STPG2: variants seen among roughly 807,000 people sequenced by gnomAD.
The protein encoded by STPG2 is sperm tail PG-rich repeat containing 2.
STPG2 carries 56 observed loss-of-function variants against 54.2 expected under a neutral mutation model. The observed-to-expected ratio is 1.03, with a 90% CI of 0.83 to 1.29. The LOEUF is 1.29. STPG2 is among the 50% of genes most tolerant of loss of function. The probability of loss-of-function intolerance (pLI) is 0.00; values close to 1 mark genes in which losing one functional copy is unlikely to be tolerated. For synonymous variants in STPG2, 200 were observed against 181.8 expected (o/e 1.10, Z -0.81); for missense variants, 596 against 544.9 (o/e 1.09, Z -0.93).
intron 8 of STPG2, among the ~76,000 whole-genome samples, chr4:97,900,609 C>T (rs1457333650): frequency 6.6e-6 from 1 of 152,040 alleles, no homozygotes; most frequent in Non-Finnish European, 1.5e-5. Flanking sequence ...AGAACAAGAT[C>T]ATGTCTTTTG....
At chr4:97,743,329 G>T (rs1725326074) in intron 9 of STPG2, among the ~76,000 whole-genome samples, 1 of 151,808 alleles carries the variant, frequency 6.6e-6, no homozygotes, top group East Asian at 1.9e-4. Context: ...GCAAAGGGAT[G>T]ATATATTACA....
At chr4:97,510,837 T>C (rs1730956440) in intron 4 of STPG2, among the ~76,000 whole-genome samples, 1 of 152,126 alleles carries the variant, frequency 6.6e-6, no homozygotes. Flanking sequence ...GCACAGTGGC[T>C]CACGCCGGTA....
At chr4:97,796,280 C>G (rs1013841066) in intron 9 of STPG2, among the ~76,000 whole-genome samples, 69 of 152,318 alleles carry the variant, frequency 4.5e-4, no homozygotes, top group Non-Finnish European at 7.5e-4. Context: ...TTGCCCATGC[C>G]TACGATCTAA....
chr4:97,899,157 T>C (rs1731072632), intron 8 of STPG2, among the ~76,000 whole-genome samples: 1 of 151,724 alleles, frequency 6.6e-6, no homozygotes, highest in Admixed American at 6.6e-5. Context: ...CAAAACTCAC[T>C]ACCTTACCTA....
At chr4:98,093,610 A>C (rs7663661) in intron 5 of STPG2, among the ~76,000 whole-genome samples, 1 of 151,948 alleles carries the variant, frequency 6.6e-6, no homozygotes, top group Admixed American at 6.6e-5. Context: ...ATCACAGTAC[A>C]TGGTTTTGAC....
chr4:97,552,331 TAAGTGCCAAAA>T lies in STPG2; in HGVS notation c.462+160357_462+160367del. On this transcript the variant is annotated intron_variant, in intron 4 of 4. Coordinates refer to the STPG2 transcript ENST00000522676. Reference sequence around the variant, plus strand: ...AAAACATAATAGTTCTTACATAGGATAAGTGCCAAAAAAGTGTTTATAAAATAAAAAATTAT... The same window carrying T: ...AAAACATAATAGTTCTTACATAGGATAAGTGTTTATAAAATAAAAAATTAT... Among the ~76,000 whole-genome samples, 2 of 152,172 alleles carry T rather than the reference TAAGTGCCAAAA, an allele frequency of 1.3e-5. 1 individual carries two copies. The highest frequency in any genetic ancestry group is 2.9e-5 in the Non-Finnish European group (2 of 67,964).
intron 7 of STPG2, among the ~76,000 whole-genome samples, chr4:97,969,053 T>C (rs570416554): frequency 6.6e-6 from 1 of 152,320 alleles, no homozygotes; most frequent in East Asian, 1.9e-4. Context: ...ATGGATAAGA[T>C]AGGGCTATAA....
intron 5 of STPG2, among the ~76,000 whole-genome samples, chr4:98,061,231 A>G (rs1737643856): frequency 6.6e-6 from 1 of 152,232 alleles, no homozygotes; most frequent in Admixed American, 6.5e-5. Flanking sequence ...TCACACTGCT[A>G]TAAAGAACTA....
intron 10 of STPG2, among the ~76,000 whole-genome samples, chr4:97,690,609 T>G (rs1270691988): frequency 6.6e-6 from 1 of 152,176 alleles, no homozygotes; most frequent in Admixed American, 6.5e-5. Flanking sequence ...ATAACATATT[T>G]AGCAAACAAC....
chr4:97,783,139 A>G (rs1218939043), intron 9 of STPG2, among the ~76,000 whole-genome samples: 1 of 152,242 alleles, frequency 6.6e-6, no homozygotes, highest in African/African-American at 2.4e-5. Context: ...CAGAGTGAAC[A>G]GGCAACCTAC....
At chr4:97,963,671 A>T (rs1733982482) in intron 7 of STPG2, among the ~76,000 whole-genome samples, 1 of 151,474 alleles carries the variant, frequency 6.6e-6, no homozygotes. Flanking sequence ...ATATATATAA[A>T]TACATATATA....
At chr4:97,571,099 GTATTTAAATGTAATTAAAATAATTTTAAT>G (rs1191330951) in intron 10 of STPG2, among the ~76,000 whole-genome samples, 2 of 151,704 alleles carry the variant, frequency 1.3e-5, no homozygotes, top group Non-Finnish European at 2.9e-5. Context: ...GGATGGTATA[GTATTTAAATGTAATTAAAATAATTTTAAT>G]TATTTTTAAA....
At chr4:97,635,518 A>T (rs1425540930) in intron 10 of STPG2, among the ~76,000 whole-genome samples, 1 of 152,214 alleles carries the variant, frequency 6.6e-6, no homozygotes, top group Non-Finnish European at 1.5e-5. Context: ...AATGGACTAA[A>T]TGCTCCAATT....
intron 10 of STPG2, among the ~76,000 whole-genome samples, chr4:97,679,612 C>A (rs2148977450): frequency 6.6e-6 from 1 of 152,228 alleles, no homozygotes; most frequent in South Asian, 2.1e-4. Flanking sequence ...TTTTGCTGTG[C>A]AGAAGCTCTT....
At chr4:98,085,325 T>G (rs1431813180) in intron 5 of STPG2, among the ~76,000 whole-genome samples, 1 of 152,104 alleles carries the variant, frequency 6.6e-6, no homozygotes, top group African/African-American at 2.4e-5. Flanking sequence ...CACACTATCT[T>G]GATTACCTGA....
At chr4:98,033,529 G>C (rs28882808) in intron 5 of STPG2, among the ~76,000 whole-genome samples, 9,331 of 152,188 alleles carry the variant, frequency 0.061, 311 homozygotes, top group Middle Eastern at 0.095. Context: ...AAGGTACAAA[G>C]TAGAGCTGGT....
chr4:98,022,819 A>G (rs1291909955), intron 5 of STPG2, among the ~76,000 whole-genome samples: 1 of 152,104 alleles, frequency 6.6e-6, no homozygotes, highest in African/African-American at 2.4e-5. Flanking sequence ...TCGGCTCCTG[A>G]GGCTTCTGCA....
At chr4:97,628,697 C>T (rs1295663288) in intron 10 of STPG2, among the ~76,000 whole-genome samples, 1 of 152,050 alleles carries the variant, frequency 6.6e-6, no homozygotes, top group Non-Finnish European at 1.5e-5. Flanking sequence ...TGTGTACACA[C>T]AAACATCGCT....
intron 2 of STPG2, among the ~76,000 whole-genome samples, chr4:98,129,898 C>G (rs931243620): frequency 6.6e-6 from 1 of 152,174 alleles, no homozygotes; most frequent in Non-Finnish European, 1.5e-5. Flanking sequence ...GCTCTTGTTG[C>G]CCAGGCTGGA....
Sources: allele counts gnomAD v4.1 joint callset (sites outside exome capture counted in the v4.1 genomes callset), GRCh38; gene constraint gnomAD v4.1.1; transcripts MANE v1.5; gene names NCBI Gene and HGNC (gene_info 2026-07-23, HGNC 2026-07-21).